The following HIPK2 variants were observed in gnomAD, a reference collection of about 807,000 sequenced individuals.
The protein encoded by HIPK2 is homeodomain-interacting protein kinase 2.
Under a neutral mutation model 113.7 loss-of-function variants are expected in HIPK2, and 27 were observed. The ratio of observed to expected loss-of-function variants is 0.24; its 90% CI spans 0.17 to 0.33. The LOEUF (loss-of-function observed/expected upper bound fraction) is 0.33, where lower values mean the gene tolerates loss of function less well. HIPK2 is among the 10% of genes least tolerant of loss of function. The pLI is 1.00. For synonymous variants in HIPK2, 631 were observed against 642.2 expected, an observed-to-expected ratio of 0.98 and a Z score of 0.26; for missense variants, 1,257 against 1,588.0, an observed-to-expected ratio of 0.79 and a Z score of 3.54.
rs1262819061 is a variant in HIPK2, at chr7:139,570,041, A to G, written c.*2886T>C. 1 of 152,238 alleles carries G rather than the reference A, an allele frequency of 6.6e-6. No homozygotes were observed. The allele number at this position is 152,238 out of a possible 1,614,324, so 9.4% of individuals were successfully genotyped here. On this transcript the variant is annotated 3_prime_UTR_variant, in exon 15 of 15. Transcript: ENST00000406875. ...GTAGCCTCCAACTTAAGCAGACAGA[A>G]TAATTTTCTTTAAAATGAAAAGAAC...
intron 2 of HIPK2, among the ~76,000 whole-genome samples, chr7:139,633,644 T>C (rs2116908456): frequency 6.7e-6 from 1 of 148,286 alleles, no homozygotes; most frequent in South Asian, 2.2e-4. Flanking sequence ...AGACCCTGTT[T>C]CTTAAAAAAA....
At chr7:139,682,712 C>CT (rs1452140693) in intron 2 of HIPK2, among the ~76,000 whole-genome samples, 1 of 152,264 alleles carries the variant, frequency 6.6e-6, no homozygotes, top group Non-Finnish European at 1.5e-5. Flanking sequence ...ATCTCAGACT[C>CT]TGAGTCAATG....
chr7:139,586,404 C>T (rs941172895), intron 12 of HIPK2, among the ~76,000 whole-genome samples: 1 of 152,090 alleles, frequency 6.6e-6, no homozygotes, highest in Non-Finnish European at 1.5e-5. Flanking sequence ...AGAAACGACC[C>T]GAGTGTCCAT....
intron 6 of HIPK2, 124 bp downstream of exon 6, chr7:139,626,477 T>C: frequency 1.0e-6 from 1 of 974,438 alleles, no homozygotes; most frequent in Non-Finnish European, 1.5e-6. Context: ...GTGGCTGCTT[T>C]CAGCTACAGT....
intron 2 of HIPK2, among the ~76,000 whole-genome samples, chr7:139,634,344 G>A (rs1800731936): frequency 1.3e-5 from 2 of 151,882 alleles, no homozygotes; most frequent in Non-Finnish European, 2.9e-5. Context: ...CACCCCCTTT[G>A]GCCTTTGTCT....
At chr7:139,713,826 C>G (rs1055922837) in intron 2 of HIPK2, among the ~76,000 whole-genome samples, 2 of 152,230 alleles carry the variant, frequency 1.3e-5, no homozygotes, top group African/African-American at 2.4e-5. Context: ...CCAGCTAGCC[C>G]CCAATGGGGC....
At position 139,758,501 on chromosome 7, in the gene HIPK2, G is replaced by A. The variant is rs79960598; in HGVS notation, c.19+19104C>T. ...CTCCCCACCCCGCCCTGGCCCGGCC[G>A]CAGACTAGTACCAGTTCTGGCCTGT... On this transcript the variant is annotated intron_variant, in intron 1 of 14. Transcript: ENST00000406875. Among the ~76,000 whole-genome samples, 1,131 of 152,148 alleles carry A rather than the reference G, an allele frequency of 7.4e-3. 8 individuals carry two copies. Among genetic ancestry groups the A allele is most frequent in the Middle Eastern group, 0.02 (6 of 294 alleles).
chr7:139,716,664 T>C lies in HIPK2; in HGVS notation c.371A>G (p.Asp124Gly). The C allele has an allele frequency of 6.2e-7, 1 of 1,613,956 alleles. No homozygotes were observed. Among genetic ancestry groups the C allele is most frequent in the South Asian group, 1.1e-5 (1 of 91,076 alleles). ...LMRRSTVSLL[D>G]TYQKCGLKRK... is the part of the protein sequence containing the mutation. ...CTTGAGTCCACATTTTTGGTAGGTA[T>C]CAAGGAGGCTCACAGTGCTTCGACG... Residue 124 changes from aspartate to glycine, a missense_variant, in exon 2 of 15, where the codon GAT (aspartate) becomes GGT (glycine). Coordinates refer to ENST00000406875, the MANE Select transcript of HIPK2 (RefSeq NM_022740.5). The surrounding 1 kb of genome is among the most constrained non-coding windows in gnomAD (Gnocchi z 9.3).
In HIPK2 at chr7:139,614,294, C is replaced by A; in HGVS notation, c.1982G>T (p.Gly661Val). Residue 661 changes from glycine to valine, a missense_variant, in exon 8 of 15, where the codon GGC becomes GTC. Physicochemically the swap from Gly to Val is moderately radical, Grantham distance 109 (BLOSUM62 -3). Around this residue, in one of 5 missense-constraint regions of HIPK2, gnomAD observed 862 missense variants for 1,004.3 expected, o/e 0.86. Transcript: ENST00000406875. Reference sequence around the variant, plus strand: ...TGGCTGCTCAATCTTACCTTGGAAGCCGGGGGGACACACGATGAGAGCTTG... The same window carrying A: ...TGGCTGCTCAATCTTACCTTGGAAGACGGGGGGACACACGATGAGAGCTTG... ...FQQALIVCPP[G>V]FQGLQASPSK... is the part of the protein sequence containing the mutation. 6.6e-7 allele frequency: 1 copy of A among 1,504,442 alleles called. No individual in the cohort carries two copies. Among genetic ancestry groups the A allele is most frequent in the South Asian group, 1.3e-5 (1 of 77,410 alleles). The allele number at this position is 1,504,442 out of a possible 1,614,324, so 93.2% of individuals were successfully genotyped here. A position where few individuals can be genotyped will look rare whatever the true frequency, so the allele number is the denominator to read the frequency against.
chr7:139,599,055 G>A (rs545460376), intron 11 of HIPK2, among the ~76,000 whole-genome samples: 36 of 152,234 alleles, frequency 2.4e-4, no homozygotes, highest in Non-Finnish European at 3.8e-4. Context: ...CCTAGTTTCT[G>A]GTATCTGCTT....
At chr7:139,682,602 A>T (rs1794078703) in intron 2 of HIPK2, among the ~76,000 whole-genome samples, 1 of 152,096 alleles carries the variant, frequency 6.6e-6, no homozygotes, top group Non-Finnish European at 1.5e-5. Flanking sequence ...GAGCAGGAAC[A>T]CTGTTTTACT....
intron 1 of HIPK2, among the ~76,000 whole-genome samples, chr7:139,762,479 T>C (rs1796482776): frequency 6.6e-6 from 1 of 152,168 alleles, no homozygotes; most frequent in Non-Finnish European, 1.5e-5. Flanking sequence ...AGCACTCAAG[T>C]CCCAGGGAGA....
chr7:139,768,511 C>A (rs1484413757), intron 1 of HIPK2, among the ~76,000 whole-genome samples: 1 of 152,094 alleles, frequency 6.6e-6, no homozygotes, highest in Non-Finnish European at 1.5e-5. Context: ...TCATCATGAT[C>A]GTACTGACTT....
intron 2 of HIPK2, among the ~76,000 whole-genome samples, chr7:139,646,946 T>C (rs986844014): frequency 6.6e-6 from 1 of 151,990 alleles, no homozygotes; most frequent in African/African-American, 2.4e-5. Context: ...TCAGTGGCCC[T>C]GTGGAAAGCA....
At position 139,600,531 on chromosome 7, in the gene HIPK2, T is replaced by C. The variant is rs755249664; in HGVS notation, c.2321A>G (p.His774Arg). ...GGGCTGTGCTGCTGGAAGGGTCACATGACCGGTCAATAGTGCAGGCTGCTG... is the reference window on the plus strand; with the variant it reads ...GGGCTGTGCTGCTGGAAGGGTCACACGACCGGTCAATAGTGCAGGCTGCTG... ...IMQQPALLTGHVTLPAAQPLN... is the reference protein window; with the variant it reads ...IMQQPALLTGRVTLPAAQPLN... Residue 774 changes from histidine (H) to arginine (R), a missense_variant, in exon 11 of 15, where the codon CAT becomes CGT. His to Arg is a conservative substitution (Grantham distance 29, BLOSUM62 0). Coordinates refer to ENST00000406875, the MANE Select transcript of HIPK2 (RefSeq NM_022740.5). 2 of 1,614,020 alleles carry C rather than the reference T, an allele frequency of 1.2e-6. No individual in the cohort carries two copies. The highest frequency in any genetic ancestry group is 1.7e-6 in the Non-Finnish European group (2 of 1,179,898).
chr7:139,708,676 A>G (rs1306199712), intron 2 of HIPK2, among the ~76,000 whole-genome samples: 2 of 152,150 alleles, frequency 1.3e-5, no homozygotes, highest in Non-Finnish European at 2.9e-5. Flanking sequence ...GTCTCTGGGG[A>G]CACTGGGGTA....
chr7:139,714,181 G>A lies in HIPK2; in HGVS notation c.1103+1751C>T, dbSNP rs1365247461. ...GGAGACCTTTCTGCGCATAGGAAATGAGCGGGAAAGGAATCCTCAGGGCAG... is the reference window on the plus strand; with the variant it reads ...GGAGACCTTTCTGCGCATAGGAAATAAGCGGGAAAGGAATCCTCAGGGCAG... On this transcript the variant is annotated intron_variant, in intron 2 of 14. Transcript: ENST00000406875. The surrounding 1 kb of genome is among the most constrained non-coding windows in gnomAD (Gnocchi z 4.2). Among the ~76,000 whole-genome samples, 2 of 152,228 alleles carry A rather than the reference G, an allele frequency of 1.3e-5. No individual in the cohort carries two copies. The highest frequency in any genetic ancestry group is 4.8e-5 in the African/African-American group (2 of 41,452).
At chr7:139,727,935 ATTTTT>A (rs10524758) in intron 1 of HIPK2, among the ~76,000 whole-genome samples, 219 of 116,684 alleles carry the variant, frequency 1.9e-3, no homozygotes, top group African/African-American at 6.5e-3. Context: ...GCATTGGCTA[ATTTTT>A]TTTTTTTTTT....
chr7:139,661,844 T>A lies in HIPK2; in HGVS notation c.1104-30119A>T, dbSNP rs116353577. ...AAATACTATGCTTTTCTTACTCTCC[T>A]AAGATTGCATTAACCCTTTTGACAG... On this transcript the variant is annotated intron_variant, in intron 2 of 14. Coordinates refer to ENST00000406875, the MANE Select transcript of HIPK2 (RefSeq NM_022740.5). Among the ~76,000 whole-genome samples, 970 of 152,334 alleles carry A rather than the reference T, an allele frequency of 6.4e-3. 16 individuals are homozygous for A. Among genetic ancestry groups the A allele is most frequent in the African/African-American group, 0.022 (916 of 41,582 alleles).
Sources: allele counts gnomAD v4.1 joint callset (sites outside exome capture counted in the v4.1 genomes callset), GRCh38; gene constraint gnomAD v4.1.1; regional missense constraint gnomAD v4.1.1; non-coding constraint Gnocchi (gnomAD v3.1); transcripts MANE v1.5; gene names NCBI Gene and HGNC (gene_info 2026-07-23, HGNC 2026-07-21).